Variants in GAREM1 observed in about 807,000 individuals in gnomAD.
GAREM1 encodes the protein GRB2 associated regulator of MAPK1 subtype 1, also known as GRB2-associated and regulator of MAPK protein 1.
In GAREM1, 26 loss-of-function variants were observed where a neutral mutation model predicts 71.3. That is an observed-to-expected ratio of 0.36 (90% CI 0.27 to 0.51). GAREM1 has a LOEUF of 0.51. Ranked by LOEUF, GAREM1 falls within the 20% of genes least tolerant of loss-of-function variation. The pLI, the probability that GAREM1 is intolerant of heterozygous loss-of-function variation, is 0.95. For synonymous variants in GAREM1, 440 were observed against 433.2 expected (o/e 1.02, Z -0.20); for missense variants, 1,026 against 1,103.1 (o/e 0.93, Z 0.99).
At chr18:32,321,930 G>C (rs1261090153) in intron 2 of GAREM1, among the ~76,000 whole-genome samples, 1 of 152,152 alleles carries the variant, frequency 6.6e-6, no homozygotes, top group Non-Finnish European at 1.5e-5. Flanking sequence ...AAGTACAATG[G>C]AACTATTGGT....
chr18:32,326,685 T>C (rs959302073), intron 2 of GAREM1, among the ~76,000 whole-genome samples: 1 of 152,228 alleles, frequency 6.6e-6, no homozygotes, highest in Non-Finnish European at 1.5e-5. Flanking sequence ...TGTCTTCTTT[T>C]GTTTTCTTTA....
intron 1 of GAREM1, among the ~76,000 whole-genome samples, chr18:32,457,224 A>AGG (rs1309543369): frequency 2.8e-5 from 3 of 107,362 alleles, no homozygotes; most frequent in African/African-American, 7.4e-5. Context: ...AGAGAGAGAG[A>AGG]GAGTGTGTGT....
intron 1 of GAREM1, among the ~76,000 whole-genome samples, chr18:32,452,336 G>C (rs938518339): frequency 6.6e-6 from 1 of 152,160 alleles, no homozygotes; most frequent in Admixed American, 6.6e-5. Context: ...AAGTTAGCCA[G>C]ATGAGAAAAG....
intron 3 of GAREM1, 107 bp from the exon 4 acceptor site, chr18:32,288,310 C>A: frequency 1.2e-6 from 1 of 844,470 alleles, no homozygotes; most frequent in Admixed American, 3.1e-5. Flanking sequence ...AAATGCTGCG[C>A]TTTTCTTTAA....
chr18:32,452,120 C>A (rs541654711), intron 1 of GAREM1, among the ~76,000 whole-genome samples: 1 of 152,188 alleles, frequency 6.6e-6, no homozygotes, highest in Admixed American at 6.5e-5. Context: ...CACAATGGCC[C>A]AAGATTCTGC....
intron 2 of GAREM1, among the ~76,000 whole-genome samples, chr18:32,336,258 A>C (rs1355515690): frequency 1.3e-5 from 2 of 151,854 alleles, no homozygotes; most frequent in African/African-American, 4.8e-5. Context: ...GTGAAACCCT[A>C]TCTCTACTAA....
At chr18:32,411,739 A>G (rs2048419763) in intron 1 of GAREM1, among the ~76,000 whole-genome samples, 1 of 152,180 alleles carries the variant, frequency 6.6e-6, no homozygotes, top group Admixed American at 6.5e-5. Context: ...TTCCGAAGAC[A>G]ATGGCTTCTC....
chr18:32,405,363 A>G (rs1222669588), intron 1 of GAREM1, among the ~76,000 whole-genome samples: 7 of 151,902 alleles, frequency 4.6e-5, no homozygotes, highest in African/African-American at 9.7e-5. Context: ...CATGCTGGCT[A>G]ATTTTTGTAT....
In GAREM1 at chr18:32,298,953, T is replaced by A. The variant is rs185579040; in HGVS notation, c.394-10750A>T. 3.7e-3 allele frequency among the ~76,000 whole-genome samples: 554 copies of A among 148,702 alleles called. 1 individual carries two copies. Among genetic ancestry groups the A allele is most frequent in the African/African-American group, 8.0e-3 (308 of 38,524 alleles). The stretch of plus-strand genomic sequence containing the variant: ...CTAAATGGTGTTTATATATATATAT[T>A]TTTTTTAACACAAAATAGGGCAAGA... On this transcript the variant is annotated intron_variant, in intron 3 of 5. Transcript: ENST00000269209.
chr18:32,299,165 G>A (rs1273840594), intron 3 of GAREM1, among the ~76,000 whole-genome samples: 1 of 151,882 alleles, frequency 6.6e-6, no homozygotes, highest in Admixed American at 6.6e-5. Flanking sequence ...GAAAATAAAT[G>A]ACATCTGACT....
Position 32,267,745 on chromosome 18 carries a change from A to G in GAREM1, c.*126T>C, listed in dbSNP as rs2041393646. 1 of 700,764 alleles carries G rather than the reference A, an allele frequency of 1.4e-6. No individual in the cohort carries two copies. The highest frequency in any genetic ancestry group is 2.4e-6 in the Non-Finnish European group (1 of 422,694). The allele number at this position is 700,764 out of a possible 1,614,324, so 43.4% of individuals were successfully genotyped here. ...ATTCAAAAACGTAATCTGCATAGTA[A>G]GAGTTTCTCTTATCCCTATTTACAG... is the stretch of plus-strand genomic sequence containing the variant. On this transcript the variant is annotated 3_prime_UTR_variant, in exon 6 of 6. Transcript: ENST00000269209.
At chr18:32,449,803 C>G (rs2144290287) in intron 1 of GAREM1, among the ~76,000 whole-genome samples, 1 of 152,312 alleles carries the variant, frequency 6.6e-6, no homozygotes, top group South Asian at 2.1e-4. Context: ...AGAATGGTGA[C>G]ATGCAGTAAA....
chr18:32,433,347 C>T (rs1451358248), intron 1 of GAREM1, among the ~76,000 whole-genome samples: 1 of 151,376 alleles, frequency 6.6e-6, no homozygotes, highest in Non-Finnish European at 1.5e-5. Context: ...GGTGAAAGAA[C>T]AAATGTTTTC....
At chr18:32,354,063 T>C (rs1286401599) in intron 2 of GAREM1, among the ~76,000 whole-genome samples, 1 of 152,156 alleles carries the variant, frequency 6.6e-6, no homozygotes, top group African/African-American at 2.4e-5. Context: ...ATAAATAATT[T>C]TGAAAATCTA....
At chr18:32,387,771 A>G (rs2048162374) in intron 2 of GAREM1, among the ~76,000 whole-genome samples, 1 of 152,224 alleles carries the variant, frequency 6.6e-6, no homozygotes, top group African/African-American at 2.4e-5. Flanking sequence ...TGAGGTTCTC[A>G]TAAGAACCAC....
rs553414189 is a variant in GAREM1, at chr18:32,431,404, C to T, written c.122-38369G>A. 8.0e-4 allele frequency among the ~76,000 whole-genome samples: 122 copies of T among 152,128 alleles called. 1 individual carries two copies. The highest frequency in any genetic ancestry group is 2.5e-3 in the African/African-American group (105 of 41,498). ...CAGCACTTTGGGAGGCCGAGGCAGG[C>T]GGATCACGAGGCCTGGAGTTCAAGA... On this transcript the variant is annotated intron_variant, in intron 1 of 5. Transcript: ENST00000269209.
At chr18:32,433,941 T>C (rs1043646559) in intron 1 of GAREM1, among the ~76,000 whole-genome samples, 6 of 152,134 alleles carry the variant, frequency 3.9e-5, no homozygotes, top group African/African-American at 1.2e-4. Context: ...CTGATTCTAA[T>C]ATTTATAGGG....
At chr18:32,305,044 T>C (rs1363010029) in intron 3 of GAREM1, among the ~76,000 whole-genome samples, 1 of 151,668 alleles carries the variant, frequency 6.6e-6, no homozygotes, top group Non-Finnish European at 1.5e-5. Context: ...AAAAAGCCTA[T>C]TACAGTTAAA....
At chr18:32,299,954 GTC>G (rs1020445957) in intron 3 of GAREM1, among the ~76,000 whole-genome samples, 2 of 152,140 alleles carry the variant, frequency 1.3e-5, no homozygotes, top group Non-Finnish European at 2.9e-5. Context: ...AGGGCTTATG[GTC>G]TCTCTATATA....
Sources: gnomAD v4.1 joint callset for allele counts (sites outside exome capture counted in the v4.1 genomes callset) on GRCh38, gnomAD v4.1.1 for gene constraint, MANE v1.5 for transcripts, NCBI Gene and HGNC (gene_info 2026-07-23, HGNC 2026-07-21) for gene names.